Variants in PIR observed in about 807,000 individuals in gnomAD.
The protein encoded by PIR is pirin (iron-binding nuclear protein).
A neutral mutation model predicts 24.2 loss-of-function variants in PIR; 22 were observed. The observed-to-expected ratio is 0.91, with a 90% CI of 0.65 to 1.30. The LOEUF (loss-of-function observed/expected upper bound fraction) is 1.30, where lower values mean the gene tolerates loss of function less well. Ranked by LOEUF, PIR falls within the 50% of genes most tolerant of loss-of-function variation. PIR has a pLI of 0.00. For synonymous variants in PIR, 80 were observed against 79.6 expected (o/e 1.00, Z -0.03); for missense variants, 220 against 220.3 (o/e 1.00, Z 0.01).
At chrX:15,457,955 T>C (rs112661314) in intron 4 of PIR, among the ~76,000 whole-genome samples, 2,961 of 112,042 alleles carry the variant, frequency 0.026, 106 homozygotes, top group African/African-American at 0.088. Flanking sequence ...GGCCATATGG[T>C]CCCCAAAGCC....
chrX:15,444,154 A>G (rs1926011165), intron 5 of PIR, among the ~76,000 whole-genome samples: 1 of 111,753 alleles, frequency 8.9e-6, no homozygotes. Context: ...GGAAGAGTCA[A>G]TCAGTGCAGC....
intron 3 of PIR, among the ~76,000 whole-genome samples, chrX:15,476,436 C>T (rs965924940): frequency 8.1e-5 from 9 of 111,673 alleles, no homozygotes; most frequent in African/African-American, 2.6e-4. Flanking sequence ...TGTTCCAGTG[C>T]ATGCTTATAT....
In PIR at chrX:15,407,569, A is replaced by G; in HGVS notation, c.566-19T>C. The G allele has an allele frequency of 8.7e-7, 1 of 1,155,364 alleles. No homozygotes were observed. The highest frequency in any genetic ancestry group is 1.8e-5 in the African/African-American group (1 of 56,912). On this transcript the variant is annotated intron_variant, in intron 6 of 9. Coordinates refer to ENST00000380420, the MANE Select transcript of PIR (RefSeq NM_001018109.3). ...GTCCACCCTGGAAAGGACCAGCAAC[A>G]TTAACATGTTAGTGTCCATAATGCC... is the stretch of plus-strand genomic sequence containing the variant.
intron 7 of PIR, among the ~76,000 whole-genome samples, chrX:15,399,091 T>C (rs978658861): frequency 9.0e-6 from 1 of 111,183 alleles, no homozygotes; most frequent in African/African-American, 3.3e-5. Context: ...GGTCTTGCAG[T>C]TGGGAAAAAC....
At chrX:15,481,155 A>T (rs767758307) in intron 2 of PIR, among the ~76,000 whole-genome samples, 1 of 112,345 alleles carries the variant, frequency 8.9e-6, no homozygotes, top group Non-Finnish European at 1.9e-5. Flanking sequence ...AGCTATGATG[A>T]CTTCATTTTA....
chrX:15,458,420 C>T (rs1209324394), intron 4 of PIR, among the ~76,000 whole-genome samples: 1 of 111,182 alleles, frequency 9.0e-6, no homozygotes, highest in Non-Finnish European at 1.9e-5. Flanking sequence ...GCGGGTGGAT[C>T]GCTTGAGCCT....
chrX:15,438,592 T>C (rs138056003), intron 5 of PIR, among the ~76,000 whole-genome samples: 2,290 of 112,174 alleles, frequency 0.02, 63 homozygotes, highest in African/African-American at 0.07. Context: ...TGCACACATT[T>C]TACATGCCTC....
chrX:15,461,073 G>A (rs1482385689), intron 3 of PIR, among the ~76,000 whole-genome samples: 1 of 111,671 alleles, frequency 9.0e-6, no homozygotes, highest in African/African-American at 3.3e-5. Flanking sequence ...GCCTGCCAGA[G>A]CTCACAGCTG....
At position 15,472,252 on chromosome X, in the gene PIR, A is replaced by AG. The variant is rs1445095758; in HGVS notation, c.189+7476dup. On this transcript the variant is annotated intron_variant, in intron 3 of 9. Coordinates refer to ENST00000380420, the MANE Select transcript of PIR (RefSeq NM_001018109.3). The stretch of plus-strand genomic sequence containing the variant: ...AACTGAACATTCTAAAGGTACAAAG[A>AG]GAAAAAAAGGGTTCAGCGAAAACCA... 3.6e-5 allele frequency among the ~76,000 whole-genome samples: 4 copies of AG among 112,422 alleles called. No individual in the cohort carries two copies. In the Admixed American group the frequency reaches 3.8e-4, roughly 11 times the overall value.
At position 15,476,535 on chromosome X, in the gene PIR, A is replaced by G. The variant is rs1922202099; in HGVS notation, c.189+3194T>C. 2.7e-5 allele frequency among the ~76,000 whole-genome samples: 3 copies of G among 111,289 alleles called. No homozygotes were observed. In the South Asian group the frequency reaches 1.1e-3, roughly 42 times the overall value. On this transcript the variant is annotated intron_variant, in intron 3 of 9. Transcript: ENST00000380420. ...TTTGTATTCAAAAGTTTACCTCTGA[A>G]GGCATACAAAACAAGCCCAATCCCT...
rs762172697 is a variant in PIR at position 15,387,386 on chromosome X, C to T, written c.761-2270G>A. Among the ~76,000 whole-genome samples the T allele has an allele frequency of 1.7e-4, 19 of 109,778 alleles. No individual in the cohort carries two copies. In the South Asian group the frequency reaches 7.0e-3, roughly 40 times the overall value. On this transcript the variant is annotated intron_variant, in intron 9 of 9. Coordinates refer to ENST00000380420, the MANE Select transcript of PIR (RefSeq NM_001018109.3). The stretch of plus-strand genomic sequence containing the variant: ...TGCTGGGATTACAGGCATGAGCCAC[C>T]GCGCCCGGCCCAGTTCTGAGTATTT...
intron 5 of PIR, among the ~76,000 whole-genome samples, chrX:15,430,168 G>A (rs772387411): frequency 3.1e-4 from 35 of 111,335 alleles, no homozygotes; most frequent in Middle Eastern, 4.6e-3. Context: ...CTATAAATCC[G>A]TTGCAGCATG....
At position 15,425,411 on chromosome X, in the gene PIR, C is replaced by CTTTTTTTTT. The variant is rs756160029; in HGVS notation, c.565+486_565+494dup. 2.6e-4 allele frequency among the ~76,000 whole-genome samples: 24 copies of CTTTTTTTTT among 92,093 alleles called. 1 individual carries two copies. Among genetic ancestry groups the CTTTTTTTTT allele is most frequent in the African/African-American group, 8.9e-4 (21 of 23,567 alleles). 80.0% of individuals were successfully genotyped at this position (92,093 alleles called of 115,157 possible). A position where few individuals can be genotyped will look rare whatever the true frequency, so the allele number is the denominator to read the frequency against. ...CTTTCTGATTTTCTTTTCTTTCTTT[C>CTTTTTTTTT]TTTTTTTTTTTTTTTTTTGAGATGG... is the stretch of plus-strand genomic sequence containing the variant. On this transcript the variant is annotated intron_variant, in intron 6 of 9. Transcript: ENST00000380420.
chrX:15,449,924 A>C (rs1926226844), intron 5 of PIR, among the ~76,000 whole-genome samples: 1 of 112,200 alleles, frequency 8.9e-6, no homozygotes. Context: ...AAAGCCCTTC[A>C]AATAAATGTT....
At chrX:15,406,772 C>A (rs948801127) in intron 7 of PIR, among the ~76,000 whole-genome samples, 4 of 111,528 alleles carry the variant, frequency 3.6e-5, no homozygotes, top group Non-Finnish European at 7.5e-5. Context: ...CTCTGCAAGC[C>A]CCTCTCTCCC....
chrX:15,455,814 C>T, intron 5 of PIR, 34 bp downstream of exon 5: 2 of 1,108,149 alleles, frequency 1.8e-6, no homozygotes, highest in South Asian at 1.8e-5. Flanking sequence ...TCACTGCATG[C>T]CTCAGGTTAA....
chrX:15,460,149 G>A (rs192970576), intron 3 of PIR, among the ~76,000 whole-genome samples: 20 of 111,377 alleles, frequency 1.8e-4, no homozygotes, highest in African/African-American at 5.9e-4. Flanking sequence ...CTGGTGGAAC[G>A]GTAAATTAGT....
intron 3 of PIR, among the ~76,000 whole-genome samples, chrX:15,474,798 A>G (rs1222562064): frequency 1.8e-5 from 2 of 111,743 alleles, no homozygotes; most frequent in Non-Finnish European, 3.8e-5. Context: ...ATTACCTACA[A>G]ATAATTTTTC....
chrX:15,399,404 G>C (rs1212314170), intron 7 of PIR, among the ~76,000 whole-genome samples: 2 of 112,397 alleles, frequency 1.8e-5, no homozygotes, highest in Non-Finnish European at 3.8e-5. Context: ...TGAGGCAGCA[G>C]GGTTCATTCT....
Sources: allele counts gnomAD v4.1 joint callset (sites outside exome capture counted in the v4.1 genomes callset), GRCh38; gene constraint gnomAD v4.1.1; transcripts MANE v1.5; gene names NCBI Gene and HGNC (gene_info 2026-07-23, HGNC 2026-07-21).